The following INPP5D variants were observed in gnomAD, a reference collection of about 807,000 sequenced individuals.
The protein encoded by INPP5D is phosphatidylinositol 3,4,5-trisphosphate 5-phosphatase 1.
A neutral mutation model predicts 122.9 loss-of-function variants in INPP5D; 33 were observed. The observed-to-expected ratio is 0.27, with a 90% CI of 0.20 to 0.36. The LOEUF (loss-of-function observed/expected upper bound fraction) is 0.36. INPP5D is among the 10% of genes least tolerant of loss of function. INPP5D has a pLI of 1.00. For missense variants in INPP5D, 1,053 were observed against 1,412.7 expected (o/e 0.75, Z 4.08); for synonymous variants, 584 against 576.2 (o/e 1.01, Z -0.19).
rs1694470962 is a variant in INPP5D at position 233,170,677 on chromosome 2, G to GATCT, written c.1900+73_1900+74insATCT. The GATCT allele has an allele frequency of 6.4e-7, 1 of 1,566,194 alleles. No individual in the cohort carries two copies. The highest frequency in any genetic ancestry group is 1.4e-5 in the African/African-American group (1 of 73,810). The stretch of plus-strand genomic sequence containing the variant: ...CCAGCACTTTAGGAGGCCGAGGCGG[G>GATCT]CGGATCACGAGATCAGGAGATGGAG... On this transcript the variant is annotated intron_variant, in intron 16 of 26. Transcript: ENST00000445964. The surrounding 1 kb of genome is among the most constrained non-coding windows in gnomAD (Gnocchi z 4.5).
intron 2 of INPP5D, among the ~76,000 whole-genome samples, chr2:233,107,616 CAGGAAGTTGGGGCTG>C (rs1692502084): frequency 6.6e-6 from 1 of 152,156 alleles, no homozygotes; most frequent in African/African-American, 2.4e-5. Flanking sequence ...AACCTAGCTT[CAGGAAGTTGGGGCTG>C]GTTGGAATGA....
intron 22 of INPP5D, among the ~76,000 whole-genome samples, chr2:233,190,813 T>C (rs1402222923): frequency 6.6e-6 from 1 of 152,128 alleles, no homozygotes; most frequent in Non-Finnish European, 1.5e-5. Flanking sequence ...AGCCTCTCCT[T>C]ACAAGCCAAG....
At chr2:233,114,318 C>A (rs2106246905) in intron 2 of INPP5D, among the ~76,000 whole-genome samples, 1 of 152,324 alleles carries the variant, frequency 6.6e-6, no homozygotes, top group Non-Finnish European at 1.5e-5. Context: ...ACGTGGGGCC[C>A]TATGATTCTT....
chr2:233,185,753 T>A, intron 20 of INPP5D, 90 bp from the exon 21 acceptor site: 1 of 1,182,718 alleles, frequency 8.5e-7, no homozygotes, highest in Non-Finnish European at 1.1e-6. Context: ...GAGCACATCT[T>A]CCTAGGTCTG....
chr2:233,180,185 G>C (rs34270852), intron 18 of INPP5D, among the ~76,000 whole-genome samples: 2 of 152,090 alleles, frequency 1.3e-5, no homozygotes, highest in Non-Finnish European at 2.9e-5. Context: ...GCCAAAGAAA[G>C]TCACATGACC....
In INPP5D at chr2:233,100,673, T is replaced by A. The variant is rs1379540367; in HGVS notation, c.198+21275T>A. ...GGAAGCTGGGGTCGTCACAGCCTGT[T>A]TTCTGCCTTGGGGTTTGGTCCCAGT... On this transcript the variant is annotated intron_variant, in intron 2 of 26. Transcript: ENST00000445964. This position sits in a 1 kb window ranked among gnomAD's most constrained non-coding sequence, Gnocchi z 5.3. Among the ~76,000 whole-genome samples, 2 of 152,200 alleles carry A rather than the reference T, an allele frequency of 1.3e-5. No individual in the cohort carries two copies. The highest frequency in any genetic ancestry group is 3.9e-4 in the East Asian group (2 of 5,192).
intron 5 of INPP5D, among the ~76,000 whole-genome samples, chr2:233,136,688 C>T (rs1396270468): frequency 6.6e-6 from 1 of 152,154 alleles, no homozygotes; most frequent in Non-Finnish European, 1.5e-5. Flanking sequence ...GCTGGAAATA[C>T]AGCAGTGAAT....
chr2:233,127,002 A>C (rs1384029889), intron 4 of INPP5D, among the ~76,000 whole-genome samples: 1 of 151,972 alleles, frequency 6.6e-6, no homozygotes, highest in African/African-American at 2.4e-5. Context: ...TGCTGAGTGC[A>C]GTAAACTGGA....
intron 3 of INPP5D, among the ~76,000 whole-genome samples, chr2:233,123,179 G>C (rs1204428837): frequency 6.6e-6 from 1 of 152,184 alleles, no homozygotes; most frequent in Non-Finnish European, 1.5e-5. Flanking sequence ...GTCCCAGCCA[G>C]GTGCAGTGGC....
rs1409679083 is a variant in INPP5D, at chr2:233,082,648, G to A, written c.198+3250G>A. Among the ~76,000 whole-genome samples the A allele has an allele frequency of 1.3e-5, 2 of 152,140 alleles. No individual in the cohort carries two copies. Among genetic ancestry groups the A allele is most frequent in the Non-Finnish European group, 2.9e-5 (2 of 68,034 alleles). The stretch of plus-strand genomic sequence containing the variant: ...CCAACTTCATGGAGTTGGCCCACGT[G>A]TCATAGCCCATGACAGCCCTGTATC... On this transcript the variant is annotated intron_variant, in intron 2 of 26. Coordinates refer to ENST00000445964, the MANE Select transcript of INPP5D (RefSeq NM_001017915.3). The surrounding 1 kb of genome is among the most constrained non-coding windows in gnomAD (Gnocchi z 4.7).
intron 2 of INPP5D, among the ~76,000 whole-genome samples, chr2:233,110,641 G>A (rs1045936267): frequency 4.6e-5 from 7 of 152,164 alleles, no homozygotes; most frequent in Non-Finnish European, 8.8e-5. Flanking sequence ...GGTTATTTAG[G>A]CCGGGTGCAG....
chr2:233,089,078 A>G (rs1340090071), intron 2 of INPP5D, among the ~76,000 whole-genome samples: 4 of 152,152 alleles, frequency 2.6e-5, no homozygotes, highest in Non-Finnish European at 5.9e-5. Flanking sequence ...CACTGGGCAT[A>G]CGTCACTGCT....
intron 1 of INPP5D, among the ~76,000 whole-genome samples, chr2:233,067,772 C>T (rs550748233): frequency 6.6e-6 from 1 of 152,332 alleles, no homozygotes; most frequent in Admixed American, 6.5e-5. Context: ...TTGCATTTCT[C>T]TAATGGCTAA....
intron 2 of INPP5D, among the ~76,000 whole-genome samples, chr2:233,091,777 T>C (rs1475502075): frequency 1.3e-5 from 2 of 152,190 alleles, no homozygotes; most frequent in Non-Finnish European, 2.9e-5. Flanking sequence ...GCCGTTATTT[T>C]TTCTACCGCA....
At chr2:233,130,416 T>G in intron 4 of INPP5D, 92 bp from the exon 5 acceptor site, 5 of 1,377,596 alleles carry the variant, frequency 3.6e-6, no homozygotes, top group Non-Finnish European at 4.0e-6. Flanking sequence ...GCTCTGAGGA[T>G]GAGGATTTGT....
At position 233,197,570 on chromosome 2, in the gene INPP5D, C is replaced by G. The variant is rs1695216384; in HGVS notation, c.2694-525C>G. Among the ~76,000 whole-genome samples the G allele has an allele frequency of 6.6e-6, 1 of 152,140 alleles. No homozygotes were observed. Among genetic ancestry groups the G allele is most frequent in the African/African-American group, 2.4e-5 (1 of 41,418 alleles). ...GGACCGTCCAGGAACAGGCCAAACC[C>G]CTCTCACCTGGAGGCCTTTGCATGT... On this transcript the variant is annotated intron_variant, in intron 24 of 26. Coordinates refer to ENST00000445964, the MANE Select transcript of INPP5D (RefSeq NM_001017915.3). This position sits in a 1 kb window ranked among gnomAD's most constrained non-coding sequence, Gnocchi z 4.4.
At chr2:233,132,317 T>G (rs570512284) in intron 5 of INPP5D, among the ~76,000 whole-genome samples, 1 of 152,362 alleles carries the variant, frequency 6.6e-6, no homozygotes, top group East Asian at 1.9e-4. Flanking sequence ...CAGACACTTC[T>G]GCACATTGTT....
intron 17 of INPP5D, among the ~76,000 whole-genome samples, chr2:233,175,238 A>AT (rs1469194303): frequency 2.0e-5 from 3 of 151,670 alleles, no homozygotes; most frequent in African/African-American, 7.3e-5. Context: ...AAAAAAAAAA[A>AT]AATGAATGTT....
intron 18 of INPP5D, among the ~76,000 whole-genome samples, chr2:233,180,166 G>T (rs949555056): frequency 6.6e-6 from 1 of 152,158 alleles, no homozygotes. Flanking sequence ...GTTTACTAAG[G>T]TCCCATTGGC....
Sources: allele counts gnomAD v4.1 joint callset (sites outside exome capture counted in the v4.1 genomes callset), GRCh38; gene constraint gnomAD v4.1.1; non-coding constraint Gnocchi (gnomAD v3.1); transcripts MANE v1.5; gene names NCBI Gene and HGNC (gene_info 2026-07-23, HGNC 2026-07-21).